Variants in ARFGEF1 observed in about 807,000 individuals in gnomAD.
The protein encoded by ARFGEF1 is ARF guanine nucleotide exchange factor 1.
Under a neutral mutation model 231.0 loss-of-function variants are expected in ARFGEF1, and 42 were observed. The ratio of observed to expected loss-of-function variants is 0.18; its 90% CI spans 0.14 to 0.24. The LOEUF is 0.24. Ranked by LOEUF, ARFGEF1 falls within the 10% of genes least tolerant of loss-of-function variation. ARFGEF1 has a pLI of 1.00. For missense variants in ARFGEF1, 1,345 were observed against 2,192.0 expected, an observed-to-expected ratio of 0.61 and a Z score of 7.72; for synonymous variants, 710 against 732.3, an observed-to-expected ratio of 0.97 and a Z score of 0.49.
rs1839600523 is a variant in ARFGEF1, at chr8:67,232,910, T to C, written c.3325A>G (p.Ile1109Val). 6.2e-7 allele frequency: 1 copy of C among 1,611,494 alleles called. No homozygotes were observed. Among genetic ancestry groups the C allele is most frequent in the Non-Finnish European group, 8.5e-7 (1 of 1,178,578 alleles). The change falls in exon 23 of 39, where the codon ATT becomes GTT. Residue 1109 changes from isoleucine to valine, a missense_variant. Physicochemically the swap from Ile to Val is conservative, Grantham distance 29. Around this residue, in one of 14 missense-constraint regions of ARFGEF1, gnomAD observed 146 missense variants for 321.4 expected, o/e 0.45. Transcript: ENST00000262215. ...GNVDWKQIASIQESIGETSSQ... is the reference protein window; with the variant it reads ...GNVDWKQIASVQESIGETSSQ... Reference sequence around the variant, plus strand: ...CTGGTTTCTCCAATGGATTCCTGAATACTTGCTATCTGTTTCCAGTCCACA... The same window carrying C: ...CTGGTTTCTCCAATGGATTCCTGAACACTTGCTATCTGTTTCCAGTCCACA...
At chr8:67,195,723 T>C (rs1837808723), downstream of ARFGEF1, 2 of 668,782 alleles carry the variant, frequency 3.0e-6, no homozygotes, top group Non-Finnish European at 5.2e-6. Context: ...TATAAAATTA[T>C]TTTTATCATG....
chr8:67,175,453 G>T, downstream of ARFGEF1: 2 of 1,613,904 alleles, frequency 1.2e-6, no homozygotes, highest in Non-Finnish European at 1.7e-6. Flanking sequence ...AATAATCATT[G>T]CTGTGTCAAA....
rs189883663 is a variant in ARFGEF1 at position 67,198,880 on chromosome 8, C to A, written c.*54G>T. On this transcript the variant is annotated 3_prime_UTR_variant, in exon 39 of 39. Coordinates refer to ENST00000262215, the MANE Select transcript of ARFGEF1 (RefSeq NM_006421.5). The stretch of plus-strand genomic sequence containing the variant: ...TTCAGGTAGGAAACCTCAGCTCCAG[C>A]GTCCTTTTAAAGAGCAGAGGGATGT... 1.2e-5 allele frequency: 19 copies of A among 1,587,492 alleles called. No homozygotes were observed. The highest frequency in any genetic ancestry group is 1.5e-5 in the Non-Finnish European group (18 of 1,171,730).
chr8:67,236,368 ATATATATATATATATATATATAT>A lies in ARFGEF1; in HGVS notation c.3289+1952_3289+1974del, dbSNP rs1839763437. Among the ~76,000 whole-genome samples the A allele has an allele frequency of 9.0e-3, 237 of 26,218 alleles. 13 individuals carry two copies. The highest frequency in any genetic ancestry group is 0.029 in the Middle Eastern group (1 of 34). The allele number at this position is 26,218 out of a possible 152,430, so 17.2% of individuals were successfully genotyped here. A position where few individuals can be genotyped will look rare whatever the true frequency, so the allele number is the denominator to read the frequency against. On this transcript the variant is annotated intron_variant, in intron 22 of 38. Transcript: ENST00000262215. ...ATTAGTTAAAAAAAAAAAAAAAAAT[ATATATATATATATATATATATAT>A]ATATATATATATATATATATGTATC...
rs778601035 is a variant in ARFGEF1, at chr8:67,271,850, T to C, written c.1424A>G (p.Glu475Gly). The stretch of plus-strand genomic sequence containing the variant: ...CTGCTTAATAGCATTAATAAACATC[T>C]CATTTGTCCTGAAAATAGGTCCTGC... ...QNAGPIFRTN[E>G]MFINAIKQYL... The change falls in exon 10 of 39, where the codon GAG becomes GGG. Residue 475 changes from glutamate to glycine, a missense_variant. Coordinates refer to ENST00000262215, the MANE Select transcript of ARFGEF1 (RefSeq NM_006421.5). 1 of 1,613,768 alleles carries C rather than the reference T, an allele frequency of 6.2e-7. No homozygotes were observed. The highest frequency in any genetic ancestry group is 1.1e-5 in the South Asian group (1 of 91,076).
intron 1 of ARFGEF1, among the ~76,000 whole-genome samples, chr8:67,311,628 C>A (rs1424264372): frequency 6.7e-6 from 1 of 149,870 alleles, no homozygotes; most frequent in Non-Finnish European, 1.5e-5. Flanking sequence ...GGTCAGCCCC[C>A]CCGCCCAGCC....
At chr8:67,178,036 C>T (rs1428945476) in intron 5 of ARFGEF1, among the ~76,000 whole-genome samples, 1 of 152,114 alleles carries the variant, frequency 6.6e-6, no homozygotes, top group Non-Finnish European at 1.5e-5. Flanking sequence ...GATAATAGTA[C>T]ATAAATTAAT....
At chr8:67,297,485 T>A (rs1806287580) in intron 4 of ARFGEF1, among the ~76,000 whole-genome samples, 1 of 152,070 alleles carries the variant, frequency 6.6e-6, no homozygotes, top group Admixed American at 6.5e-5. Context: ...AAGGCTGAGG[T>A]GGGAGGATCA....
At chr8:67,180,443 AGGTGTATAT>A (rs1374050860) in intron 5 of ARFGEF1, among the ~76,000 whole-genome samples, 4 of 152,164 alleles carry the variant, frequency 2.6e-5, no homozygotes, top group African/African-American at 9.7e-5. Context: ...GGATAGGGAG[AGGTGTATAT>A]GGTTATAAAA....
chr8:67,284,523 A>G (rs997816427), intron 7 of ARFGEF1, among the ~76,000 whole-genome samples: 4 of 152,218 alleles, frequency 2.6e-5, no homozygotes, highest in Non-Finnish European at 5.9e-5. Context: ...ACTCTCACTC[A>G]TCTTTAGTAG....
intron 23 of ARFGEF1, among the ~76,000 whole-genome samples, chr8:67,232,607 T>C (rs1839590731): frequency 6.6e-6 from 1 of 152,062 alleles, no homozygotes; most frequent in South Asian, 2.1e-4. Flanking sequence ...GAGGTTACCA[T>C]TTCCTTAATG....
intron 15 of ARFGEF1, among the ~76,000 whole-genome samples, chr8:67,259,117 C>A (rs1249007423): frequency 6.6e-6 from 1 of 152,140 alleles, no homozygotes; most frequent in East Asian, 1.9e-4. Flanking sequence ...CATTATTTCC[C>A]CTGAATATTT....
At chr8:67,303,707 C>T (rs1806606087) in intron 1 of ARFGEF1, among the ~76,000 whole-genome samples, 1 of 150,132 alleles carries the variant, frequency 6.7e-6, no homozygotes, top group South Asian at 2.1e-4. Context: ...GAGTGAGACT[C>T]CATCTCTTAA....
At chr8:67,269,210 T>C (rs1242339649) in intron 10 of ARFGEF1, among the ~76,000 whole-genome samples, 1 of 152,158 alleles carries the variant, frequency 6.6e-6, no homozygotes, top group East Asian at 1.9e-4. Context: ...GGAATAGATA[T>C]ATAATTTAAG....
intron 7 of ARFGEF1, 61 bp downstream of exon 7, chr8:67,287,894 T>C: frequency 8.7e-7 from 1 of 1,145,046 alleles, no homozygotes. Context: ...CATTACAAAG[T>C]CTCCACAGTC....
chr8:67,230,237 C>T (rs572588395), intron 23 of ARFGEF1, among the ~76,000 whole-genome samples: 53 of 152,130 alleles, frequency 3.5e-4, no homozygotes, highest in Non-Finnish European at 6.9e-4. Context: ...ATAAAATCAG[C>T]CTATGAAATG....
At chr8:67,337,767 C>T (rs1348592678) in intron 1 of ARFGEF1, among the ~76,000 whole-genome samples, 1 of 152,120 alleles carries the variant, frequency 6.6e-6, no homozygotes, top group African/African-American at 2.4e-5. Flanking sequence ...ATCAGTACTC[C>T]CACCCTTTTC....
rs930790888 is a variant in ARFGEF1, at chr8:67,249,003, T to C, written c.2850+2296A>G. On this transcript the variant is annotated intron_variant, in intron 19 of 38. Coordinates refer to ENST00000262215, the MANE Select transcript of ARFGEF1 (RefSeq NM_006421.5). Reference sequence around the variant, plus strand: ...TTAAAAAGTTTATATCCCTTAATATTATACATTGCATTCCAGGAATATATC... The same window carrying C: ...TTAAAAAGTTTATATCCCTTAATATCATACATTGCATTCCAGGAATATATC... Among the ~76,000 whole-genome samples, 14 of 150,414 alleles carry C rather than the reference T, an allele frequency of 9.3e-5. 2 individuals are homozygous for C. Among genetic ancestry groups the C allele is most frequent in the African/African-American group, 3.5e-4 (14 of 40,232 alleles).
At chr8:67,329,968 G>C (rs1439488291) in intron 1 of ARFGEF1, among the ~76,000 whole-genome samples, 3 of 151,576 alleles carry the variant, frequency 2.0e-5, no homozygotes, top group Admixed American at 1.3e-4. Context: ...AAAAAACAAA[G>C]GCTACTCAAT....
Sources: allele counts gnomAD v4.1 joint callset (sites outside exome capture counted in the v4.1 genomes callset), GRCh38; gene constraint gnomAD v4.1.1; regional missense constraint gnomAD v4.1.1; transcripts MANE v1.5; gene names NCBI Gene and HGNC (gene_info 2026-07-23, HGNC 2026-07-21).